The following TTC9 variants were observed in gnomAD, a reference collection of about 807,000 sequenced individuals.
TTC9 encodes the protein tetratricopeptide repeat protein 9A.
Under a neutral mutation model 22.9 loss-of-function variants are expected in TTC9, and 13 were observed. The ratio of observed to expected loss-of-function variants is 0.57; its 90% CI spans 0.37 to 0.90. TTC9 has a LOEUF of 0.90. Ranked by LOEUF, TTC9 falls within the 40% of genes least tolerant of loss-of-function variation. TTC9 has a pLI of 0.01. For synonymous variants in TTC9, 148 were observed against 133.2 expected, an observed-to-expected ratio of 1.11 and a Z score of -0.77; for missense variants, 280 against 291.8, an observed-to-expected ratio of 0.96 and a Z score of 0.29.
intron 1 of TTC9, among the ~76,000 whole-genome samples, chr14:70,663,747 GC>G: frequency 6.6e-6 from 1 of 152,312 alleles, no homozygotes; most frequent in South Asian, 2.1e-4. Flanking sequence ...TGATCCCACT[GC>G]CCCGCCCAGT....
intron 1 of TTC9, among the ~76,000 whole-genome samples, chr14:70,657,207 A>G (rs949790496): frequency 9.2e-5 from 14 of 152,250 alleles, no homozygotes; most frequent in African/African-American, 3.4e-4. Flanking sequence ...AGATATCAAT[A>G]TCTCTTGAAT....
At chr14:70,647,009 CTTTTG>C (rs1442745522) in intron 1 of TTC9, among the ~76,000 whole-genome samples, 1 of 152,138 alleles carries the variant, frequency 6.6e-6, no homozygotes, top group Non-Finnish European at 1.5e-5. Flanking sequence ...TTTTCTCTTT[CTTTTG>C]TTCTCTCTTT....
In TTC9 at chr14:70,665,046, TG is replaced by T. The variant is rs545515577; in HGVS notation, c.407-2517del. Reference sequence around the variant, plus strand: ...AGGCTTCCCCATTTCCAGGCCTCTTTGCTTCCCCTGCCCCTGTCACCACCAT... The same window carrying T: ...AGGCTTCCCCATTTCCAGGCCTCTTTCTTCCCCTGCCCCTGTCACCACCAT... On this transcript the variant is annotated intron_variant, in intron 1 of 2. Transcript: ENST00000256367. Among the ~76,000 whole-genome samples, 439 of 152,344 alleles carry T rather than the reference TG, an allele frequency of 2.9e-3. 1 individual carries two copies. Among genetic ancestry groups the T allele is most frequent in the African/African-American group, 0.01 (421 of 41,580 alleles).
intron 1 of TTC9, among the ~76,000 whole-genome samples, chr14:70,652,580 AAAAAC>A (rs1305480169): frequency 3.0e-5 from 4 of 135,154 alleles, no homozygotes; most frequent in Non-Finnish European, 7.1e-5. Context: ...AGTGAAAACA[AAAAAC>A]AAAACAAAAC....
chr14:70,642,972 G>A (rs1194500415), intron 1 of TTC9, among the ~76,000 whole-genome samples: 1 of 152,212 alleles, frequency 6.6e-6, no homozygotes, highest in Non-Finnish European at 1.5e-5. Context: ...ATTGGTCCTC[G>A]CCTTTTCCCC....
chr14:70,647,026 TCTTGA>T (rs1266962097), intron 1 of TTC9, among the ~76,000 whole-genome samples: 1 of 152,256 alleles, frequency 6.6e-6, no homozygotes, highest in Non-Finnish European at 1.5e-5. Flanking sequence ...TCTCTCTTTC[TCTTGA>T]CTTGACATGG....
Position 70,649,644 on chromosome 14 carries a change from T to C in TTC9, c.406+7109T>C, listed in dbSNP as rs563923477. Among the ~76,000 whole-genome samples the C allele has an allele frequency of 3.9e-5, 6 of 152,370 alleles. No homozygotes were observed. The South Asian group carries it at 1.0e-3, about 26-fold the overall frequency. Reference sequence around the variant, plus strand: ...CTTTAGGGGTTTCTTCCTTAGATAATAAAACTTGTCTCACTGAAATTTCTT... The same window carrying C: ...CTTTAGGGGTTTCTTCCTTAGATAACAAAACTTGTCTCACTGAAATTTCTT... On this transcript the variant is annotated intron_variant, in intron 1 of 2. Coordinates refer to ENST00000256367, the MANE Select transcript of TTC9 (RefSeq NM_015351.2).
chr14:70,649,242 G>A (rs971479205), intron 1 of TTC9, among the ~76,000 whole-genome samples: 1 of 152,182 alleles, frequency 6.6e-6, no homozygotes, highest in Non-Finnish European at 1.5e-5. Flanking sequence ...GATGAGGCCA[G>A]CACATAGTAG....
intron 1 of TTC9, among the ~76,000 whole-genome samples, chr14:70,656,613 G>A (rs1448038815): frequency 6.6e-6 from 1 of 152,182 alleles, no homozygotes; most frequent in Non-Finnish European, 1.5e-5. Flanking sequence ...AATGGGAGAC[G>A]TTCTTTAATG....
At chr14:70,651,248 C>T (rs1184137583) in intron 1 of TTC9, among the ~76,000 whole-genome samples, 1 of 151,814 alleles carries the variant, frequency 6.6e-6, no homozygotes, top group Non-Finnish European at 1.5e-5. Flanking sequence ...TCCCAGCATG[C>T]TGGGATTACA....
chr14:70,670,381 C>T (rs1458651072), intron 2 of TTC9, among the ~76,000 whole-genome samples: 6 of 152,174 alleles, frequency 3.9e-5, no homozygotes, highest in African/African-American at 9.7e-5. Flanking sequence ...TGGCTGGGCG[C>T]GGTGGCTCAC....
At chr14:70,662,746 G>A (rs1886162244) in intron 1 of TTC9, among the ~76,000 whole-genome samples, 1 of 152,230 alleles carries the variant, frequency 6.6e-6, no homozygotes, top group East Asian at 1.9e-4. Flanking sequence ...CTAGAATCCA[G>A]CTCTTATGAT....
At chr14:70,670,982 T>C in intron 2 of TTC9, 94 bp from the exon 3 acceptor site, 2 of 1,251,040 alleles carry the variant, frequency 1.6e-6, no homozygotes, top group Non-Finnish European at 2.3e-6. Context: ...GCCTGGCCTG[T>C]TGGATGTCTG....
rs1319052137 is a variant in TTC9 at position 70,642,510 on chromosome 14, G to A, written c.381G>A (p.Glu127=). The change falls in exon 1 of 3, where the codon GAG becomes GAA. Residue 127 remains glutamate, a synonymous_variant. Coordinates refer to ENST00000256367, the MANE Select transcript of TTC9 (RefSeq NM_015351.2). ...AGAGCAAGACGGTGGAAGCCATCGA[G>A]ATCGACTGTTACAACAGCCTGGCAG... ...EEQSKTVEAI[E]IDCYNSLAAC... 1.3e-6 allele frequency: 2 copies of A among 1,544,422 alleles called. No individual in the cohort carries two copies. The highest frequency in any genetic ancestry group is 2.4e-5 in the South Asian group (2 of 83,970).
At position 70,642,465 on chromosome 14, in the gene TTC9, C is replaced by G. The variant is rs564967773; in HGVS notation, c.336C>G (p.Pro112=). 178 of 1,552,204 alleles carry G rather than the reference C, an allele frequency of 1.1e-4. No homozygotes were observed. The East Asian group carries it at 4.3e-3, about 38-fold the overall frequency. Residue 112 remains proline (P), a synonymous_variant, in exon 1 of 3, where the codon CCC becomes CCG. Coordinates refer to ENST00000256367, the MANE Select transcript of TTC9 (RefSeq NM_015351.2). ...RPASPAGALK[P]GRLSEEQSKT... ...CCTCCCCGGCTGGGGCCCTGAAGCCCGGCCGCCTCTCGGAGGAGCAGAGCA... is the reference window on the plus strand; with the variant it reads ...CCTCCCCGGCTGGGGCCCTGAAGCCGGGCCGCCTCTCGGAGGAGCAGAGCA...
chr14:70,667,354 G>C (rs1485085210), intron 1 of TTC9, among the ~76,000 whole-genome samples: 1 of 152,188 alleles, frequency 6.6e-6, no homozygotes, highest in South Asian at 2.1e-4. Flanking sequence ...CATAATACAA[G>C]GTTAAGTGAC....
rs1886296687 is a variant in TTC9 at position 70,671,650 on chromosome 14, G to A, written c.*495G>A. ...GAGAAGCGCTGGTGAAGCCAACATA[G>A]AGACTGTCAATGTGTACACTGGAGT... On this transcript the variant is annotated 3_prime_UTR_variant, in exon 3 of 3. Coordinates refer to ENST00000256367, the MANE Select transcript of TTC9 (RefSeq NM_015351.2). The A allele has an allele frequency of 6.4e-6, 1 of 157,236 alleles. No individual in the cohort carries two copies. Among genetic ancestry groups the A allele is most frequent in the Non-Finnish European group, 1.4e-5 (1 of 71,276 alleles). The allele number at this position is 157,236 out of a possible 1,614,324, so 9.7% of individuals were successfully genotyped here.
intron 1 of TTC9, among the ~76,000 whole-genome samples, chr14:70,648,397 A>C (rs1885933423): frequency 6.6e-6 from 1 of 152,252 alleles, no homozygotes; most frequent in African/African-American, 2.4e-5. Context: ...GAAGCTCCTT[A>C]GTCCACCTCC....
chr14:70,648,847 A>T (rs1330620382), intron 1 of TTC9, among the ~76,000 whole-genome samples: 3 of 152,262 alleles, frequency 2.0e-5, no homozygotes, highest in Non-Finnish European at 2.9e-5. Flanking sequence ...AGACTTAAAA[A>T]AAACAAAGAT....
Sources: gnomAD v4.1 joint callset for allele counts (sites outside exome capture counted in the v4.1 genomes callset) on GRCh38, gnomAD v4.1.1 for gene constraint, MANE v1.5 for transcripts, NCBI Gene and HGNC (gene_info 2026-07-23, HGNC 2026-07-21) for gene names.